Variants in CAB39L observed in about 807,000 individuals in gnomAD.
The protein encoded by CAB39L is calcium-binding protein 39-like.
Under a neutral mutation model 39.1 loss-of-function variants are expected in CAB39L, and 23 were observed. The ratio of observed to expected loss-of-function variants is 0.59; its 90% CI spans 0.42 to 0.83. The LOEUF is 0.83. Among genes scored for constraint, CAB39L ranks in the 40% least tolerant of loss-of-function variants. The probability of loss-of-function intolerance (pLI) is 0.00; values close to 1 mark genes in which losing one functional copy is unlikely to be tolerated. For synonymous variants in CAB39L, 126 were observed against 137.2 expected (o/e 0.92, Z 0.57); for missense variants, 366 against 391.9 (o/e 0.93, Z 0.56).
intron 3 of CAB39L, among the ~76,000 whole-genome samples, chr13:49,409,459 A>AG: frequency 6.6e-6 from 1 of 152,050 alleles, no homozygotes; most frequent in East Asian, 1.9e-4. Context: ...TTAAAAAAAA[A>AG]AAAAAAACCT....
At chr13:49,330,161 T>C (rs770629208) in intron 10 of CAB39L, among the ~76,000 whole-genome samples, 2 of 152,244 alleles carry the variant, frequency 1.3e-5, no homozygotes, top group Non-Finnish European at 2.9e-5. Flanking sequence ...GACACTGTAC[T>C]CAGCATAATT....
At chr13:49,342,308 C>A (rs965395692) in intron 8 of CAB39L, among the ~76,000 whole-genome samples, 2 of 152,134 alleles carry the variant, frequency 1.3e-5, no homozygotes, top group African/African-American at 4.8e-5. Flanking sequence ...AAATGTACTT[C>A]TTTTTGTAAG....
intron 10 of CAB39L, among the ~76,000 whole-genome samples, chr13:49,313,480 CAAAA>C (rs61510865): frequency 1.9e-5 from 2 of 104,416 alleles, no homozygotes; most frequent in Non-Finnish European, 2.1e-5. Context: ...GACTCCGTCT[CAAAA>C]AAAAAAAAAA....
chr13:49,410,813 C>G (rs546138031), intron 3 of CAB39L, among the ~76,000 whole-genome samples: 1 of 139,368 alleles, frequency 7.2e-6, no homozygotes, highest in African/African-American at 2.5e-5. Flanking sequence ...GGAAAAATCT[C>G]TATGGAATTC....
chr13:49,405,087 A>G (rs992899152), intron 3 of CAB39L, among the ~76,000 whole-genome samples: 3 of 152,194 alleles, frequency 2.0e-5, no homozygotes, highest in Admixed American at 6.5e-5. Context: ...GTTATAGAAC[A>G]CTAAGCAGAT....
At chr13:49,413,317 AT>A (rs1294444778) in intron 3 of CAB39L, among the ~76,000 whole-genome samples, 1 of 152,182 alleles carries the variant, frequency 6.6e-6, no homozygotes. Context: ...GACTTTTTTA[AT>A]TGTACAAAAA....
chr13:49,425,106 G>T (rs1957223462), intron 3 of CAB39L, among the ~76,000 whole-genome samples: 1 of 151,274 alleles, frequency 6.6e-6, no homozygotes, highest in African/African-American at 2.5e-5. Flanking sequence ...GTTTAGAAAA[G>T]AATGAATCTG....
At chr13:49,318,322 G>C (rs2138341362) in intron 10 of CAB39L, among the ~76,000 whole-genome samples, 1 of 150,688 alleles carries the variant, frequency 6.6e-6, no homozygotes, top group East Asian at 1.9e-4. Flanking sequence ...TAAAATATTA[G>C]TTGGGCATTG....
intron 3 of CAB39L, 56 bp downstream of exon 3, chr13:49,433,262 T>C (rs1957354803): frequency 2.5e-6 from 1 of 405,830 alleles, no homozygotes; most frequent in Admixed American, 3.4e-5. Flanking sequence ...TTGAGCATAG[T>C]CTACACGTCT....
In CAB39L at chr13:49,341,940, T is replaced by G. The variant is rs548484535; in HGVS notation, c.625-2198A>C. On this transcript the variant is annotated intron_variant, in intron 8 of 10. Transcript: ENST00000409308. ...ATACTCTAGTTGATTCTGTGGCTAT[T>G]TCCTTTATAACATGAGGACATAAAA... 2.0e-5 allele frequency among the ~76,000 whole-genome samples: 3 copies of G among 152,358 alleles called. No homozygotes were observed. In the South Asian group the frequency reaches 6.2e-4, roughly 32 times the overall value.
chr13:49,443,134 T>C (rs1957573040), intron 1 of CAB39L, among the ~76,000 whole-genome samples: 1 of 151,070 alleles, frequency 6.6e-6, no homozygotes, highest in Non-Finnish European at 1.5e-5. Context: ...TCCTGTCTTC[T>C]TCCTCCTACC....
intron 3 of CAB39L, among the ~76,000 whole-genome samples, chr13:49,425,351 C>T (rs914845775): frequency 6.6e-6 from 1 of 151,936 alleles, no homozygotes; most frequent in African/African-American, 2.4e-5. Context: ...ATGTAACAGA[C>T]TAGGAGAAAT....
At chr13:49,364,202 CA>C (rs1955708356) in intron 5 of CAB39L, among the ~76,000 whole-genome samples, 1 of 152,318 alleles carries the variant, frequency 6.6e-6, no homozygotes, top group South Asian at 2.1e-4. Flanking sequence ...AAGTGAGAGA[CA>C]CATCCCAATA....
intron 10 of CAB39L, among the ~76,000 whole-genome samples, chr13:49,326,673 C>A (rs1954510524): frequency 6.6e-6 from 1 of 152,166 alleles, no homozygotes; most frequent in African/African-American, 2.4e-5. Flanking sequence ...GTTCATACTT[C>A]AGTGGAAGGA....
In CAB39L at chr13:49,378,321, A is replaced by C. The variant is rs1216707589; in HGVS notation, c.112-1190T>G. ...CCATCTGGGAGGGAGGTGGGGGGTC[A>C]GCCCCCCCGACCGGCCAGCCGTGCC... On this transcript the variant is annotated intron_variant, in intron 4 of 10. Transcript: ENST00000409308. 1.8e-4 allele frequency among the ~76,000 whole-genome samples: 12 copies of C among 65,172 alleles called. 1 individual carries two copies. The highest frequency in any genetic ancestry group is 3.3e-4 in the Non-Finnish European group (11 of 33,482). 42.8% of individuals were successfully genotyped at this position (65,172 alleles called of 152,430 possible). A position where few individuals can be genotyped will look rare whatever the true frequency, so the allele number is the denominator to read the frequency against.
intron 8 of CAB39L, among the ~76,000 whole-genome samples, chr13:49,342,411 G>A (rs1265175628): frequency 6.6e-6 from 1 of 151,930 alleles, no homozygotes; most frequent in East Asian, 1.9e-4. Flanking sequence ...ATATACACAT[G>A]AAATTGTTTT....
intron 3 of CAB39L, among the ~76,000 whole-genome samples, chr13:49,431,482 G>C (rs774184973): frequency 7.0e-4 from 106 of 152,114 alleles, no homozygotes; most frequent in Non-Finnish European, 1.3e-3. Context: ...CAAGGCGGGT[G>C]GATCACTTGA....
intron 10 of CAB39L, among the ~76,000 whole-genome samples, chr13:49,324,626 G>A (rs993394330): frequency 6.6e-6 from 1 of 152,218 alleles, no homozygotes; most frequent in Non-Finnish European, 1.5e-5. Flanking sequence ...AGATGGCCTT[G>A]TCTGTGAGAG....
intron 10 of CAB39L, among the ~76,000 whole-genome samples, chr13:49,324,174 A>G (rs1954433518): frequency 6.6e-6 from 1 of 151,852 alleles, no homozygotes; most frequent in Non-Finnish European, 1.5e-5. Flanking sequence ...AAAATTAGCC[A>G]GGTGTGGTGG....
Sources: allele counts gnomAD v4.1 joint callset (sites outside exome capture counted in the v4.1 genomes callset), GRCh38; gene constraint gnomAD v4.1.1; transcripts MANE v1.5; gene names NCBI Gene and HGNC (gene_info 2026-07-23, HGNC 2026-07-21).